Variants in RBFOX1 observed in about 807,000 individuals in gnomAD.
RBFOX1 encodes the protein RNA binding fox-1 homolog 1.
A neutral mutation model predicts 57.7 loss-of-function variants in RBFOX1; 8 were observed. That is an observed-to-expected ratio of 0.14 (90% CI 0.08 to 0.25). The LOEUF is 0.25. Ranked by LOEUF, RBFOX1 falls within the 10% of genes least tolerant of loss-of-function variation. RBFOX1 has a pLI of 1.00. For synonymous variants in RBFOX1, 326 were observed against 222.4 expected, an observed-to-expected ratio of 1.47 and a Z score of -4.15; for missense variants, 611 against 548.5, an observed-to-expected ratio of 1.11 and a Z score of -1.14.
intron 2 of RBFOX1, among the ~76,000 whole-genome samples, chr16:5,491,062 A>G (rs890272571): frequency 6.6e-6 from 1 of 152,192 alleles, no homozygotes; most frequent in African/African-American, 2.4e-5. Context: ...ATCAAATTCC[A>G]TATATCAGGT....
intron 2 of RBFOX1, among the ~76,000 whole-genome samples, chr16:6,417,290 G>A (rs1359142543): frequency 6.6e-6 from 1 of 151,980 alleles, no homozygotes; most frequent in Non-Finnish European, 1.5e-5. Context: ...GATTACAGGC[G>A]TGAGCCACCA....
intron 2 of RBFOX1, among the ~76,000 whole-genome samples, chr16:6,543,895 GA>G (rs1413088705): frequency 6.6e-6 from 1 of 152,036 alleles, no homozygotes; most frequent in Admixed American, 6.6e-5. Flanking sequence ...AGGATAACAC[GA>G]GATAGAAAGG....
chr16:5,647,152 A>C (rs891486314), intron 3 of RBFOX1, among the ~76,000 whole-genome samples: 1 of 152,204 alleles, frequency 6.6e-6, no homozygotes, highest in African/African-American at 2.4e-5. Context: ...ATCCTGCCTC[A>C]AGGTGGACCA....
intron 2 of RBFOX1, among the ~76,000 whole-genome samples, chr16:6,499,330 C>T (rs532865868): frequency 6.6e-6 from 1 of 151,750 alleles, no homozygotes; most frequent in South Asian, 2.1e-4. Flanking sequence ...TGCCTGTTTC[C>T]TTTGGGGTAT....
intron 3 of RBFOX1, among the ~76,000 whole-genome samples, chr16:6,744,053 G>T (rs193038442): frequency 1.3e-5 from 2 of 152,070 alleles, no homozygotes; most frequent in East Asian, 1.9e-4. Flanking sequence ...TAAAGATACA[G>T]AATGTGATCA....
chr16:5,909,906 A>G (rs1490259060), intron 4 of RBFOX1, among the ~76,000 whole-genome samples: 2 of 152,010 alleles, frequency 1.3e-5, no homozygotes, highest in Non-Finnish European at 2.9e-5. Flanking sequence ...TACAAAAATT[A>G]GCCGGGTGTG....
intron 3 of RBFOX1, among the ~76,000 whole-genome samples, chr16:5,626,203 A>G (rs145296396): frequency 2.0e-5 from 3 of 152,174 alleles, no homozygotes; most frequent in East Asian, 1.9e-4. Context: ...GTGTCCTCCA[A>G]CTTATCCTCT....
rs1226690684 is a variant in RBFOX1 at position 5,581,757 on chromosome 16, CAG to C, written c.259-17144_259-17143del. On this transcript the variant is annotated intron_variant, in intron 2 of 2. Transcript: ENST00000585867. The stretch of plus-strand genomic sequence containing the variant: ...AACACTGTATAGTTGCAGCTCATGA[CAG>C]GGGCCAGAGTAGTGGAAGAGGAGGG... Among the ~76,000 whole-genome samples the C allele has an allele frequency of 2.6e-5, 4 of 152,240 alleles. No individual in the cohort carries two copies. The East Asian group carries it at 5.8e-4, about 22-fold the overall frequency.
chr16:5,704,162 C>CCAAAT (rs2051152917), intron 3 of RBFOX1, among the ~76,000 whole-genome samples: 1 of 152,032 alleles, frequency 6.6e-6, no homozygotes, highest in Non-Finnish European at 1.5e-5. Context: ...AGGGGAGGTC[C>CCAAAT]CAAATGCAGA....
At chr16:7,208,350 T>C (rs1168099586) in intron 4 of RBFOX1, among the ~76,000 whole-genome samples, 1 of 152,206 alleles carries the variant, frequency 6.6e-6, no homozygotes, top group Admixed American at 6.5e-5. Context: ...CTGGGGAATT[T>C]ATAAAGAAAA....
At chr16:6,431,550 G>C (rs1353350315) in intron 2 of RBFOX1, among the ~76,000 whole-genome samples, 1 of 151,996 alleles carries the variant, frequency 6.6e-6, no homozygotes, top group African/African-American at 2.4e-5. Flanking sequence ...AGATAAAACA[G>C]GGGCTCCGAG....
intron 2 of RBFOX1, among the ~76,000 whole-genome samples, chr16:6,407,596 G>GAGAGAGAGAGAGAGAGAGAAC (rs71386523): frequency 1.9e-4 from 28 of 146,088 alleles, no homozygotes; most frequent in Middle Eastern, 3.3e-3. Flanking sequence ...AGAGAGAGAA[G>GAGAGAGAGAGAGAGAGAGAAC]TACATTCTAT....
At chr16:6,453,303 C>T (rs2094681414) in intron 2 of RBFOX1, among the ~76,000 whole-genome samples, 1 of 152,088 alleles carries the variant, frequency 6.6e-6, no homozygotes. Context: ...TGATGTTCCC[C>T]TTCCTGTGTC....
chr16:7,506,617 C>T (rs1231216645), intron 4 of RBFOX1, among the ~76,000 whole-genome samples: 2 of 152,130 alleles, frequency 1.3e-5, no homozygotes. Flanking sequence ...CCACCACCAC[C>T]ATCTTTGCTT....
chr16:7,656,348 C>G (rs17144496), intron 12 of RBFOX1, among the ~76,000 whole-genome samples: 27,386 of 152,052 alleles, frequency 0.18, 2,820 homozygotes, highest in East Asian at 0.42. Context: ...TCCTTTTCCT[C>G]TGGAATAAAC....
chr16:5,819,953 A>C (rs117781524), intron 3 of RBFOX1, among the ~76,000 whole-genome samples: 4,745 of 151,940 alleles, frequency 0.031, 123 homozygotes, highest in Middle Eastern at 0.051. Flanking sequence ...GTCGCATCCC[A>C]CTCTGTTGAG....
intron 3 of RBFOX1, among the ~76,000 whole-genome samples, chr16:6,891,322 A>G (rs1270753291): frequency 6.6e-6 from 1 of 152,232 alleles, no homozygotes; most frequent in Non-Finnish European, 1.5e-5. Context: ...AGGAAAATGA[A>G]ACTTAGAGTA....
At chr16:6,905,347 A>G (rs1045024487) in intron 3 of RBFOX1, among the ~76,000 whole-genome samples, 1 of 151,960 alleles carries the variant, frequency 6.6e-6, no homozygotes, top group South Asian at 2.1e-4. Flanking sequence ...TGAGGTTGGG[A>G]GTTCGAGACT....
chr16:5,857,087 T>G (rs1221321099), intron 3 of RBFOX1, among the ~76,000 whole-genome samples: 1 of 152,180 alleles, frequency 6.6e-6, no homozygotes, highest in African/African-American at 2.4e-5. Context: ...GACTCTTTCT[T>G]TCACTTGAAC....
Sources: allele counts gnomAD v4.1 joint callset (sites outside exome capture counted in the v4.1 genomes callset), GRCh38; gene constraint gnomAD v4.1.1; transcripts MANE v1.5; gene names NCBI Gene and HGNC (gene_info 2026-07-23, HGNC 2026-07-21).